Variants in TENM4 observed in about 807,000 individuals in gnomAD.
The protein encoded by TENM4 is teneurin transmembrane protein 4.
A neutral mutation model predicts 243.3 loss-of-function variants in TENM4; 82 were observed. The observed-to-expected ratio is 0.34, with a 90% CI of 0.28 to 0.40. TENM4 has a LOEUF of 0.40. TENM4 is among the 10% of genes least tolerant of loss of function. The probability of loss-of-function intolerance (pLI) is 1.00; values close to 1 mark genes in which losing one functional copy is unlikely to be tolerated. For missense variants in TENM4, 3,138 were observed against 3,673.3 expected (o/e 0.85, Z 3.77); for synonymous variants, 1,412 against 1,456.3 (o/e 0.97, Z 0.69).
intron 4 of TENM4, among the ~76,000 whole-genome samples, chr11:79,076,705 G>T (rs924299570): frequency 2.6e-5 from 4 of 152,120 alleles, no homozygotes; most frequent in African/African-American, 9.7e-5. Context: ...ACGTGAATGT[G>T]GGGAGGCCTG....
rs1474097236 is a variant in TENM4 at position 79,239,271 on chromosome 11, G to A, written c.-264-23362C>T. ...TTGAAAAGTCCTACTGAAGAAACAC[G>A]ACAGGAAGCAATATGCTTTTTATCA... On this transcript the variant is annotated intron_variant, in intron 2 of 33. Transcript: ENST00000278550. 4.6e-5 allele frequency among the ~76,000 whole-genome samples: 7 copies of A among 152,270 alleles called. No individual in the cohort carries two copies. The East Asian group carries it at 5.8e-4, about 13-fold the overall frequency.
At chr11:79,190,898 C>G (rs1863469254) in intron 3 of TENM4, among the ~76,000 whole-genome samples, 1 of 11,160 alleles carries the variant, frequency 9.0e-5, no homozygotes, top group Admixed American at 6.8e-4. Context: ...CTCCCTCTCC[C>G]TCTCCCGTCT....
intron 1 of TENM4, among the ~76,000 whole-genome samples, chr11:79,309,572 G>A (rs1375681000): frequency 6.6e-6 from 1 of 152,190 alleles, no homozygotes; most frequent in Admixed American, 6.5e-5. Flanking sequence ...TGTACTGTAG[G>A]CAATTCTAAC....
At position 78,701,794 on chromosome 11, in the gene TENM4, G is replaced by A; in HGVS notation, c.4819C>T (p.Leu1607=). ...YTQSLPTGDY[L]YNFTYTGDGD... The stretch of plus-strand genomic sequence containing the variant: ...TCCCCAGTGTAGGTGAAGTTGTACA[G>A]GTAGTCTCCTGTGGGCAGGCTTTGG... Residue 1607 remains leucine, a synonymous_variant, in exon 28 of 34, where the codon CTG becomes TTG. Coordinates refer to ENST00000278550, the MANE Select transcript of TENM4 (RefSeq NM_001098816.3). 1 of 1,613,996 alleles carries A rather than the reference G, an allele frequency of 6.2e-7. No individual in the cohort carries two copies. The highest frequency in any genetic ancestry group is 8.5e-7 in the Non-Finnish European group (1 of 1,179,892).
intron 32 of TENM4, among the ~76,000 whole-genome samples, chr11:78,664,217 C>T (rs562395172): frequency 7.2e-5 from 11 of 152,276 alleles, no homozygotes; most frequent in Middle Eastern, 3.4e-3. Context: ...TGGCAGTTAT[C>T]GCGTGGCAGG....
In TENM4 at chr11:79,115,549, C is replaced by T. The variant is rs568745061; in HGVS notation, c.-66+33161G>A. 1.7e-4 allele frequency among the ~76,000 whole-genome samples: 26 copies of T among 152,200 alleles called. No homozygotes were observed. The South Asian group carries it at 5.0e-3, about 29-fold the overall frequency. On this transcript the variant is annotated intron_variant, in intron 4 of 33. Coordinates refer to ENST00000278550, the MANE Select transcript of TENM4 (RefSeq NM_001098816.3). ...GATCACATCTCCTCCTGGGTTTTCA[C>T]CCTGAATCTTATCCTCTAGCCTGAC...
intron 6 of TENM4, among the ~76,000 whole-genome samples, chr11:79,029,554 AG>A (rs1859171802): frequency 6.6e-6 from 1 of 152,184 alleles, no homozygotes; most frequent in Non-Finnish European, 1.5e-5. Flanking sequence ...TCATCTTAGA[AG>A]CTTGGCTGTC....
chr11:79,113,321 C>A (rs1357966261), intron 4 of TENM4, among the ~76,000 whole-genome samples: 1 of 151,550 alleles, frequency 6.6e-6, no homozygotes, highest in Non-Finnish European at 1.5e-5. Context: ...GAAGAAAATT[C>A]ATATCCTTCA....
chr11:78,840,754 G>A (rs1034082562), intron 12 of TENM4, among the ~76,000 whole-genome samples: 7 of 147,162 alleles, frequency 4.8e-5, no homozygotes, highest in Admixed American at 3.4e-4. Context: ...AAGGAAACAC[G>A]GGGGTACTAA....
intron 18 of TENM4, among the ~76,000 whole-genome samples, chr11:78,759,412 A>G (rs1856384581): frequency 6.6e-6 from 1 of 152,260 alleles, no homozygotes; most frequent in African/African-American, 2.4e-5. Flanking sequence ...CCCAGTGAGC[A>G]GGGACATTGA....
At chr11:79,077,141 C>A (rs1860552843) in intron 4 of TENM4, among the ~76,000 whole-genome samples, 1 of 152,230 alleles carries the variant, frequency 6.6e-6, no homozygotes, top group Admixed American at 6.5e-5. Flanking sequence ...CCCTTCTTCT[C>A]TCCTCCCCGA....
intron 2 of TENM4, among the ~76,000 whole-genome samples, chr11:79,276,658 AC>A (rs1441324839): frequency 1.3e-4 from 20 of 151,934 alleles, no homozygotes; most frequent in Non-Finnish European, 1.5e-5. Flanking sequence ...AGGTTACAGA[AC>A]CCACCCCTCC....
intron 2 of TENM4, among the ~76,000 whole-genome samples, chr11:79,269,310 G>A (rs1173943096): frequency 6.6e-6 from 1 of 152,164 alleles, no homozygotes; most frequent in Non-Finnish European, 1.5e-5. Context: ...TATTCTGTTT[G>A]TATTATTTAA....
chr11:78,787,099 G>A lies in TENM4; in HGVS notation c.2180-16C>T, dbSNP rs1265218041. On this transcript the variant is annotated splice_polypyrimidine_tract_variant and intron_variant, in intron 15 of 33. Transcript: ENST00000278550. ...GCACAGATCTCTGTGGGGAGGAGCA[G>A]AAGAAGGGAGGACACCAGGGCCAGG... 2 of 1,531,612 alleles carry A rather than the reference G, an allele frequency of 1.3e-6. No individual in the cohort carries two copies. The highest frequency in any genetic ancestry group is 8.8e-7 in the Non-Finnish European group (1 of 1,134,096). The allele number at this position is 1,531,612 out of a possible 1,614,324, so 94.9% of individuals were successfully genotyped here. A position where few individuals can be genotyped will look rare whatever the true frequency, so the allele number is the denominator to read the frequency against.
chr11:79,401,971 G>A (rs1858471447), intron 1 of TENM4: 2 of 347,180 alleles, frequency 5.8e-6, no homozygotes, highest in Non-Finnish European at 1.3e-5. Context: ...GGATGGATGA[G>A]ATCCCTCAGG....
At chr11:79,123,926 G>A (rs1477939207) in intron 4 of TENM4, among the ~76,000 whole-genome samples, 2 of 152,052 alleles carry the variant, frequency 1.3e-5, no homozygotes, top group African/African-American at 4.8e-5. Context: ...CAGTGTACAG[G>A]GCTTCTCAGA....
chr11:79,363,656 A>C (rs1004760299), intron 1 of TENM4, among the ~76,000 whole-genome samples: 1 of 152,246 alleles, frequency 6.6e-6, no homozygotes, highest in Non-Finnish European at 1.5e-5. Context: ...TTTTCATATG[A>C]TATAATTATC....
rs528723564 is a variant in TENM4 at position 79,034,195 on chromosome 11, C to T, written c.493+30543G>A. Among the ~76,000 whole-genome samples, 239 of 152,326 alleles carry T rather than the reference C, an allele frequency of 1.6e-3. 5 individuals are homozygous for T. The highest frequency in any genetic ancestry group is 3.4e-3 in the Middle Eastern group (1 of 294). On this transcript the variant is annotated intron_variant, in intron 6 of 33. Coordinates refer to ENST00000278550, the MANE Select transcript of TENM4 (RefSeq NM_001098816.3). Reference sequence around the variant, plus strand: ...TAGAAATTTCAGCATTTTATGCCCACTTATGAAGGCTCAATTTCAAAGAAG... The same window carrying T: ...TAGAAATTTCAGCATTTTATGCCCATTTATGAAGGCTCAATTTCAAAGAAG...
At chr11:79,325,873 G>A (rs1242078100) in intron 1 of TENM4, among the ~76,000 whole-genome samples, 1 of 152,194 alleles carries the variant, frequency 6.6e-6, no homozygotes, top group African/African-American at 2.4e-5. Flanking sequence ...CCATCCTTAA[G>A]AGAGCATGAA....
Sources: allele counts gnomAD v4.1 joint callset (sites outside exome capture counted in the v4.1 genomes callset), GRCh38; gene constraint gnomAD v4.1.1; transcripts MANE v1.5; gene names NCBI Gene and HGNC (gene_info 2026-07-23, HGNC 2026-07-21).